Variants in FOXP1 observed in about 807,000 individuals in gnomAD.
FOXP1 encodes the protein forkhead box P1, also known as forkhead box protein P1.
In FOXP1, 15 loss-of-function variants were observed where a neutral mutation model predicts 98.2. The observed-to-expected ratio is 0.15, with a 90% CI of 0.10 to 0.24. The LOEUF is 0.24. FOXP1 is among the 10% of genes least tolerant of loss of function. The pLI is 1.00. For missense variants in FOXP1, 633 were observed against 848.5 expected (o/e 0.75, Z 3.15); for synonymous variants, 371 against 314.5 (o/e 1.18, Z -1.90).
At chr3:71,033,001 G>C (rs1178407816) in intron 11 of FOXP1, among the ~76,000 whole-genome samples, 2 of 152,182 alleles carry the variant, frequency 1.3e-5, no homozygotes, top group Admixed American at 6.5e-5. Context: ...AGGTAAAAGA[G>C]TAAAACCGAG....
At chr3:70,994,362 G>T (rs2041068388) in intron 13 of FOXP1, among the ~76,000 whole-genome samples, 1 of 152,126 alleles carries the variant, frequency 6.6e-6, no homozygotes, top group Non-Finnish European at 1.5e-5. Context: ...AACTGGGACA[G>T]TTGGTCACCC....
chr3:71,178,937 G>A (rs771409191), intron 6 of FOXP1, among the ~76,000 whole-genome samples: 5 of 150,356 alleles, frequency 3.3e-5, no homozygotes, highest in Non-Finnish European at 5.9e-5. Flanking sequence ...GGGTGTGGTG[G>A]TGCATGCCTG....
intron 3 of FOXP1, among the ~76,000 whole-genome samples, chr3:71,439,396 A>G (rs776746456): frequency 1.8e-4 from 27 of 152,234 alleles, no homozygotes; most frequent in Admixed American, 3.9e-4. Context: ...AGGGCAGTGC[A>G]TTCTATTTCT....
At chr3:71,261,774 T>C (rs2069160701) in intron 5 of FOXP1, among the ~76,000 whole-genome samples, 2 of 152,126 alleles carry the variant, frequency 1.3e-5, no homozygotes, top group African/African-American at 4.8e-5. Flanking sequence ...AGAAAGATCT[T>C]TCATTGTGAA....
chr3:71,243,482 G>A (rs985135249), intron 5 of FOXP1, among the ~76,000 whole-genome samples: 6 of 152,142 alleles, frequency 3.9e-5, no homozygotes, highest in Admixed American at 6.5e-5. Context: ...GCATGAACCC[G>A]AGATTGCATT....
At chr3:71,140,855 C>A (rs1030988818) in intron 6 of FOXP1, among the ~76,000 whole-genome samples, 6 of 151,882 alleles carry the variant, frequency 4.0e-5, no homozygotes, top group African/African-American at 7.3e-5. Context: ...ATGGGGCAAC[C>A]GTAGTCCTAG....
In FOXP1 at chr3:71,159,550, C is replaced by T. The variant is rs550521583; in HGVS notation, c.180+38652G>A. On this transcript the variant is annotated intron_variant, in intron 6 of 20. Coordinates refer to ENST00000649528, the MANE Select transcript of FOXP1 (RefSeq NM_001349338.3). The stretch of plus-strand genomic sequence containing the variant: ...ACCCAGCTTCATCAAGGGAGGCTGG[C>T]GAATTTCTCTTCCTGGAGAGCTTTT... Among the ~76,000 whole-genome samples the T allele has an allele frequency of 9.3e-4, 141 of 152,204 alleles. No homozygotes were observed. In the South Asian group the frequency reaches 0.013, roughly 14 times the overall value.
chr3:71,295,712 T>C (rs1464364713), intron 5 of FOXP1, among the ~76,000 whole-genome samples: 2 of 152,250 alleles, frequency 1.3e-5, no homozygotes, highest in Non-Finnish European at 2.9e-5. Flanking sequence ...TGATGAATTT[T>C]ACAAATTGGA....
intron 11 of FOXP1, among the ~76,000 whole-genome samples, chr3:71,033,402 A>T (rs1161817921): frequency 6.6e-6 from 1 of 152,176 alleles, no homozygotes; most frequent in East Asian, 1.9e-4. Flanking sequence ...GTAACTCAGA[A>T]AATGAACATC....
At chr3:71,518,621 T>C (rs1027412745) in intron 2 of FOXP1, among the ~76,000 whole-genome samples, 1 of 152,132 alleles carries the variant, frequency 6.6e-6, no homozygotes, top group Admixed American at 6.5e-5. Context: ...TTGGCAGACT[T>C]GGAAAACACA....
intron 12 of FOXP1, among the ~76,000 whole-genome samples, chr3:71,007,457 C>T (rs965413305): frequency 2.0e-5 from 3 of 152,138 alleles, no homozygotes; most frequent in East Asian, 1.9e-4. Context: ...CGGCCTCCTT[C>T]GACATGTATT....
intron 3 of FOXP1, among the ~76,000 whole-genome samples, chr3:71,404,881 A>G (rs778494574): frequency 6.6e-6 from 1 of 152,212 alleles, no homozygotes; most frequent in South Asian, 2.1e-4. Flanking sequence ...CAAGCAGCCT[A>G]TAACTATTAA....
chr3:71,278,171 A>G (rs1288699), intron 5 of FOXP1, among the ~76,000 whole-genome samples: 23,461 of 152,166 alleles, frequency 0.15, 1,955 homozygotes, highest in African/African-American at 0.19. Flanking sequence ...GTTTCAATGA[A>G]GTTATACATA....
chr3:71,104,668 A>G (rs1239857828), intron 7 of FOXP1, among the ~76,000 whole-genome samples: 2 of 151,344 alleles, frequency 1.3e-5, no homozygotes, highest in African/African-American at 4.8e-5. Context: ...AATTTTCAAT[A>G]GGGATGGAAG....
intron 3 of FOXP1, among the ~76,000 whole-genome samples, chr3:71,374,151 T>C (rs1452912371): frequency 6.6e-6 from 1 of 152,240 alleles, no homozygotes; most frequent in South Asian, 2.1e-4. Flanking sequence ...CTCCCTTGGT[T>C]GACATCCGTT....
At chr3:71,160,892 T>C (rs990973406) in intron 6 of FOXP1, among the ~76,000 whole-genome samples, 45 of 152,188 alleles carry the variant, frequency 3.0e-4, no homozygotes, top group Non-Finnish European at 5.4e-4. Context: ...CCAATGTAGA[T>C]TGAACTACAG....
At chr3:71,526,967 CA>C (rs34141810) in intron 2 of FOXP1, among the ~76,000 whole-genome samples, 1,669 of 62,268 alleles carry the variant, frequency 0.027, 21 homozygotes, top group African/African-American at 0.075. Context: ...AACTCCAACT[CA>C]AAAAAAAAAA....
intron 3 of FOXP1, among the ~76,000 whole-genome samples, chr3:71,468,826 G>A (rs776583516): frequency 6.6e-5 from 10 of 152,212 alleles, no homozygotes; most frequent in Admixed American, 3.3e-4. Flanking sequence ...AAGCATCAGT[G>A]TGAAAGGAGA....
At chr3:71,508,850 G>A (rs1022946632) in intron 2 of FOXP1, among the ~76,000 whole-genome samples, 5 of 152,260 alleles carry the variant, frequency 3.3e-5, no homozygotes, top group East Asian at 3.9e-4. Context: ...CTGAAATCTC[G>A]TGGATGTCAC....
Sources: allele counts gnomAD v4.1 joint callset (sites outside exome capture counted in the v4.1 genomes callset), GRCh38; gene constraint gnomAD v4.1.1; transcripts MANE v1.5; gene names NCBI Gene and HGNC (gene_info 2026-07-23, HGNC 2026-07-21).